CNNM1: variants seen among roughly 807,000 people sequenced by gnomAD.
The protein encoded by CNNM1 is metal transporter CNNM1.
Under a neutral mutation model 78.8 loss-of-function variants are expected in CNNM1, and 44 were observed. The observed-to-expected ratio is 0.56, with a 90% CI of 0.44 to 0.72. CNNM1 has a LOEUF of 0.72. CNNM1 is among the 30% of genes least tolerant of loss of function. The pLI is 0.00. For missense variants in CNNM1, 1,101 were observed against 1,292.2 expected (o/e 0.85, Z 2.27); for synonymous variants, 584 against 581.5 (o/e 1.00, Z -0.06).
chr10:99,370,373 A>G (rs2031759668), intron 6 of CNNM1, among the ~76,000 whole-genome samples: 2 of 152,200 alleles, frequency 1.3e-5, no homozygotes, highest in Admixed American at 1.3e-4. Flanking sequence ...AATGGTGGGT[A>G]CAGTGGGAGA....
At position 99,330,137 on chromosome 10, in the gene CNNM1, C is replaced by T. The variant is rs779190259; in HGVS notation, c.750C>T (p.Asp250=). The change falls in exon 1 of 11, where the codon GAC becomes GAT. Residue 250 remains aspartate, a synonymous_variant. Coordinates refer to ENST00000356713, the MANE Select transcript of CNNM1 (RefSeq NM_020348.3). ...TGCGCCTGAGCCTGCTGTCGCTGGACCCGGTGGAGTTACGGGTGCTGCGGA... is the reference window on the plus strand; with the variant it reads ...TGCGCCTGAGCCTGCTGTCGCTGGATCCGGTGGAGTTACGGGTGCTGCGGA... ...SGLRLSLLSL[D]PVELRVLRNS... The T allele has an allele frequency of 1.4e-5, 22 of 1,547,810 alleles. No homozygotes were observed. In the African/African-American group the frequency reaches 2.4e-4, roughly 17 times the overall value.
chr10:99,387,951 C>A lies in CNNM1; in HGVS notation c.2472C>A (p.Thr824=). ...KAPTTRGTPQ[T]PKDDPAITLL... ...CCACAACCCGGGGCACACCCCAGACCCCTAAGGATGACCCCGCCATCACGC... is the reference window on the plus strand; with the variant it reads ...CCACAACCCGGGGCACACCCCAGACACCTAAGGATGACCCCGCCATCACGC... The change falls in exon 8 of 11, where the codon ACC becomes ACA. Residue 824 remains threonine, a synonymous_variant. Coordinates refer to ENST00000356713, the MANE Select transcript of CNNM1 (RefSeq NM_020348.3). 3 of 1,608,402 alleles carry A rather than the reference C, an allele frequency of 1.9e-6. No individual in the cohort carries two copies. The highest frequency in any genetic ancestry group is 2.5e-6 in the Non-Finnish European group (3 of 1,177,552).
At chr10:99,376,845 A>C (rs1373126624) in intron 6 of CNNM1, among the ~76,000 whole-genome samples, 2 of 152,118 alleles carry the variant, frequency 1.3e-5, no homozygotes, top group Admixed American at 1.3e-4. Context: ...TCTTAGGAAT[A>C]AACATCAACA....
At chr10:99,364,538 T>C in intron 5 of CNNM1, 22 bp downstream of exon 5, 1 of 1,580,050 alleles carries the variant, frequency 6.3e-7, no homozygotes, top group South Asian at 1.1e-5. Flanking sequence ...TCCATTTGTT[T>C]ATTGGGAAAG....
chr10:99,384,459 CA>C (rs2032247844), intron 7 of CNNM1, among the ~76,000 whole-genome samples: 1 of 152,088 alleles, frequency 6.6e-6, no homozygotes, highest in Admixed American at 6.5e-5. Context: ...AAACACCCAC[CA>C]ACAGTGCAGA....
chr10:99,358,379 T>C (rs2031296268), intron 2 of CNNM1, among the ~76,000 whole-genome samples: 1 of 152,230 alleles, frequency 6.6e-6, no homozygotes, highest in African/African-American at 2.4e-5. Context: ...GTCTTTAGGA[T>C]TGGAATGTTA....
intron 2 of CNNM1, among the ~76,000 whole-genome samples, chr10:99,360,167 C>G (rs995036493): frequency 1.3e-5 from 2 of 152,120 alleles, no homozygotes; most frequent in African/African-American, 2.4e-5. Flanking sequence ...CCCTATATTT[C>G]CCCTGATTCC....
At chr10:99,383,382 T>A (rs2032213934) in intron 7 of CNNM1, among the ~76,000 whole-genome samples, 1 of 152,142 alleles carries the variant, frequency 6.6e-6, no homozygotes, top group South Asian at 2.1e-4. Context: ...CAAGCGATTC[T>A]CCTGCCTCAG....
rs373019859 is a variant in CNNM1, at chr10:99,364,972, G to T, written c.2146G>T (p.Val716Phe). ...GTCCTTAGATAATGACGTGCGGAAG[G>T]TTGGAAGTCTGGCTGGATCTTCTGT... ...TACSDNDVRK[V>F]GSLAGSSVFL... Residue 716 changes from valine to phenylalanine, a missense_variant, in exon 6 of 11, where the codon GTT (valine) becomes TTT (phenylalanine). Physicochemically the swap from Val to Phe is conservative, Grantham distance 50. This residue lies in a region of CNNM1 where 348 missense variants were observed against 384.5 expected (regional missense o/e 0.90). Coordinates refer to ENST00000356713, the MANE Select transcript of CNNM1 (RefSeq NM_020348.3). 19 of 1,613,820 alleles carry T rather than the reference G, an allele frequency of 1.2e-5. No homozygotes were observed. The highest frequency in any genetic ancestry group is 2.2e-5 in the East Asian group (1 of 44,870).
Position 99,377,223 on chromosome 10 carries a change from C to T in CNNM1, c.2340+5C>T. Reference sequence around the variant, plus strand: ...AGCGATGTGCAGTTTGTGAAGGTAACTCCCCCAGGAAGGTTATCCTCTCCC... The same window carrying T: ...AGCGATGTGCAGTTTGTGAAGGTAATTCCCCCAGGAAGGTTATCCTCTCCC... On this transcript the variant is annotated splice_donor_5th_base_variant and intron_variant, in intron 7 of 10. Transcript: ENST00000356713. The T allele has an allele frequency of 1.9e-6, 3 of 1,613,226 alleles. No individual in the cohort carries two copies. Among genetic ancestry groups the T allele is most frequent in the East Asian group, 2.2e-5 (1 of 44,862 alleles).
chr10:99,383,976 G>T (rs1270394882), intron 7 of CNNM1, among the ~76,000 whole-genome samples: 1 of 150,754 alleles, frequency 6.6e-6, no homozygotes, highest in Non-Finnish European at 1.5e-5. Context: ...GTGCGAAAAA[G>T]AATGTAAAAT....
chr10:99,347,717 C>T (rs974913664), intron 1 of CNNM1, among the ~76,000 whole-genome samples: 1 of 151,986 alleles, frequency 6.6e-6, no homozygotes, highest in African/African-American at 2.4e-5. Context: ...GACCTTGGCT[C>T]CCACTACTTT....
intron 6 of CNNM1, among the ~76,000 whole-genome samples, chr10:99,376,492 G>A (rs1212275337): frequency 2.6e-5 from 4 of 152,232 alleles, no homozygotes; most frequent in Non-Finnish European, 5.9e-5. Context: ...CCACTAAAAT[G>A]TATGGCCACA....
intron 6 of CNNM1, 71 bp downstream of exon 6, chr10:99,365,073 G>A (rs767162416): frequency 6.6e-7 from 1 of 1,525,938 alleles, no homozygotes. Context: ...TGGGGACCTG[G>A]ACCGAGCACT....
intron 7 of CNNM1, among the ~76,000 whole-genome samples, chr10:99,378,276 G>A (rs1383914866): frequency 6.6e-6 from 1 of 152,076 alleles, no homozygotes; most frequent in Non-Finnish European, 1.5e-5. Context: ...TTGTTTCCTA[G>A]TATTCTGCAA....
chr10:99,387,618 T>C (rs970508894), intron 7 of CNNM1, among the ~76,000 whole-genome samples: 1 of 152,198 alleles, frequency 6.6e-6, no homozygotes, highest in African/African-American at 2.4e-5. Flanking sequence ...CAGTGGGAGC[T>C]GGTGGCAGAC....
intron 3 of CNNM1, 148 bp downstream of exon 3, chr10:99,361,123 G>A: frequency 3.7e-6 from 3 of 815,550 alleles, no homozygotes; most frequent in Non-Finnish European, 5.4e-6. Flanking sequence ...GCCTTAGACA[G>A]GGTAATGGAT....
At chr10:99,341,484 C>T (rs1055034940) in intron 1 of CNNM1, among the ~76,000 whole-genome samples, 1 of 152,096 alleles carries the variant, frequency 6.6e-6, no homozygotes, top group South Asian at 2.1e-4. Flanking sequence ...TAAGAGGCAG[C>T]CTGGGGTACA....
Position 99,330,077 on chromosome 10 carries a change from C to G in CNNM1, c.690C>G (p.Leu230=). Residue 230 remains leucine, a synonymous_variant, in exon 1 of 11, where the codon CTC becomes CTG. Transcript: ENST00000356713. ...CGTGGCTGCGGGCGCTCGGGGCGCT[C>G]CTGCTGCTAGCCTTGTCGGCCCTGT... ...PPAWLRALGA[L]LLLALSALFS... The G allele has an allele frequency of 6.5e-7, 1 of 1,528,680 alleles. No homozygotes were observed. Among genetic ancestry groups the G allele is most frequent in the East Asian group, 2.6e-5 (1 of 38,978 alleles). The allele number at this position is 1,528,680 out of a possible 1,614,324, so 94.7% of individuals were successfully genotyped here.
Sources: allele counts gnomAD v4.1 joint callset (sites outside exome capture counted in the v4.1 genomes callset), GRCh38; gene constraint gnomAD v4.1.1; regional missense constraint gnomAD v4.1.1; transcripts MANE v1.5; gene names NCBI Gene and HGNC (gene_info 2026-07-23, HGNC 2026-07-21).